The following RGS7 variants were observed in gnomAD, a reference collection of about 807,000 sequenced individuals.
The protein encoded by RGS7 is regulator of G-protein signaling 7.
In RGS7, 27 loss-of-function variants were observed where a neutral mutation model predicts 81.1. The ratio of observed to expected loss-of-function variants is 0.33; its 90% CI spans 0.25 to 0.46. The LOEUF (loss-of-function observed/expected upper bound fraction) is 0.46. RGS7 is among the 20% of genes least tolerant of loss of function. The pLI is 1.00. For synonymous variants in RGS7, 208 were observed against 207.7 expected, an observed-to-expected ratio of 1.00 and a Z score of -0.01; for missense variants, 396 against 607.4, an observed-to-expected ratio of 0.65 and a Z score of 3.66.
chr1:240,857,354 T>G (rs1661330659), intron 9 of RGS7, among the ~76,000 whole-genome samples: 1 of 152,158 alleles, frequency 6.6e-6, no homozygotes, highest in Non-Finnish European at 1.5e-5. Context: ...ATGTGGTACA[T>G]TGTTTCAGTT....
rs1686560191 is a variant in RGS7 at position 240,992,242 on chromosome 1, G to C, written c.176-9113C>G. 1.3e-5 allele frequency among the ~76,000 whole-genome samples: 2 copies of C among 152,192 alleles called. 1 individual carries two copies. Among genetic ancestry groups the C allele is most frequent in the South Asian group, 4.1e-4 (2 of 4,836 alleles). On this transcript the variant is annotated intron_variant, in intron 3 of 18. Coordinates refer to ENST00000440928, the MANE Select transcript of RGS7 (RefSeq NM_001364886.1). Reference sequence around the variant, plus strand: ...GCTCAGGCCGGGCGCGTTGGCTCATGCCTGTAATCCCAGCACTTTGGAAGG... The same window carrying C: ...GCTCAGGCCGGGCGCGTTGGCTCATCCCTGTAATCCCAGCACTTTGGAAGG...
chr1:240,852,364 C>T (rs1660266021), intron 9 of RGS7, among the ~76,000 whole-genome samples: 1 of 152,110 alleles, frequency 6.6e-6, no homozygotes, highest in South Asian at 2.1e-4. Context: ...CTATTGCACA[C>T]TTAATAGACT....
intron 2 of RGS7, among the ~76,000 whole-genome samples, chr1:241,274,807 T>C (rs1400229793): frequency 1.3e-5 from 2 of 152,186 alleles, no homozygotes; most frequent in Non-Finnish European, 2.9e-5. Flanking sequence ...TATGGAAAAC[T>C]GCAAATCTAG....
intron 9 of RGS7, among the ~76,000 whole-genome samples, chr1:240,846,720 C>T (rs371255122): frequency 6.6e-6 from 1 of 152,154 alleles, no homozygotes; most frequent in Admixed American, 6.6e-5. Flanking sequence ...TAAACTATGA[C>T]AGAAGAGATG....
intron 4 of RGS7, among the ~76,000 whole-genome samples, chr1:240,945,714 A>T (rs1473021521): frequency 6.6e-6 from 1 of 152,222 alleles, no homozygotes; most frequent in Non-Finnish European, 1.5e-5. Context: ...ATTTTGCAGA[A>T]ACAAATGCTT....
chr1:241,138,623 C>G (rs987417716), intron 2 of RGS7, among the ~76,000 whole-genome samples: 6 of 152,182 alleles, frequency 3.9e-5, no homozygotes, highest in Admixed American at 1.3e-4. Context: ...AAGGTGATTG[C>G]GTAGCCGGTG....
chr1:241,254,133 G>A (rs1012937121), intron 2 of RGS7, among the ~76,000 whole-genome samples: 20 of 151,524 alleles, frequency 1.3e-4, no homozygotes, highest in South Asian at 8.4e-4. Flanking sequence ...CCGGGAGGTG[G>A]GGCTTGCAGT....
chr1:241,109,008 A>C (rs1357975879), intron 2 of RGS7, among the ~76,000 whole-genome samples: 1 of 152,152 alleles, frequency 6.6e-6, no homozygotes, highest in Non-Finnish European at 1.5e-5. Context: ...ACTTGAGCTC[A>C]CATCAGTTCG....
intron 2 of RGS7, among the ~76,000 whole-genome samples, chr1:241,314,144 T>C (rs1558306633): frequency 6.6e-6 from 1 of 152,258 alleles, no homozygotes; most frequent in Admixed American, 6.5e-5. Context: ...TAGTAGGGCC[T>C]GACAGAATTG....
chr1:241,236,961 T>C (rs80178590), intron 2 of RGS7, among the ~76,000 whole-genome samples: 2,323 of 152,324 alleles, frequency 0.015, 52 homozygotes, highest in African/African-American at 0.052. Context: ...TTTTAGTCTG[T>C]TATGTAGCAT....
At chr1:240,897,347 C>T (rs1669257745) in intron 6 of RGS7, among the ~76,000 whole-genome samples, 1 of 152,126 alleles carries the variant, frequency 6.6e-6, no homozygotes, top group Non-Finnish European at 1.5e-5. Context: ...AGAGGGCATC[C>T]CTGTCTTGTG....
chr1:241,243,950 G>A (rs2076392134), intron 2 of RGS7, among the ~76,000 whole-genome samples: 3 of 151,972 alleles, frequency 2.0e-5, no homozygotes, highest in Admixed American at 2.0e-4. Flanking sequence ...GATTTTTCAG[G>A]GTACACAGGT....
intron 2 of RGS7, among the ~76,000 whole-genome samples, chr1:241,244,992 G>C (rs1475478550): frequency 6.6e-6 from 1 of 150,988 alleles, no homozygotes; most frequent in East Asian, 2.0e-4. Context: ...AGCATTAGGA[G>C]ATATACCTAA....
intron 3 of RGS7, among the ~76,000 whole-genome samples, chr1:241,089,021 A>C (rs10926411): frequency 0.077 from 1,832 of 23,676 alleles, 138 homozygotes; most frequent in African/African-American, 0.17. Context: ...GCAAGACTCC[A>C]TCTCTCTCTC....
intron 3 of RGS7, among the ~76,000 whole-genome samples, chr1:241,022,038 C>T (rs1012668998): frequency 4.6e-5 from 7 of 152,148 alleles, no homozygotes; most frequent in South Asian, 2.1e-4. Context: ...CAGATTTAAA[C>T]GCAATACAGG....
chr1:240,963,296 T>C (rs951671119), intron 4 of RGS7, among the ~76,000 whole-genome samples: 1 of 152,170 alleles, frequency 6.6e-6, no homozygotes, highest in African/African-American at 2.4e-5. Context: ...ACAAGACAGT[T>C]GGCCAGGAGC....
At chr1:241,054,860 T>C (rs1423492353) in intron 3 of RGS7, among the ~76,000 whole-genome samples, 1 of 152,180 alleles carries the variant, frequency 6.6e-6, no homozygotes, top group African/African-American at 2.4e-5. Context: ...AGAGTTATCT[T>C]CCTAAAACTT....
chr1:240,933,152 G>T (rs1309285689), intron 5 of RGS7, among the ~76,000 whole-genome samples: 5 of 151,634 alleles, frequency 3.3e-5, no homozygotes, highest in African/African-American at 1.2e-4. Flanking sequence ...AAAGTGCTGG[G>T]ATTACAGGTG....
chr1:240,950,014 T>A (rs900033474), intron 4 of RGS7, among the ~76,000 whole-genome samples: 2 of 152,080 alleles, frequency 1.3e-5, no homozygotes, highest in Non-Finnish European at 2.9e-5. Flanking sequence ...AGGACAAACC[T>A]CCATTCCAAA....
Sources: gnomAD v4.1 joint callset for allele counts (sites outside exome capture counted in the v4.1 genomes callset) on GRCh38, gnomAD v4.1.1 for gene constraint, MANE v1.5 for transcripts, NCBI Gene and HGNC (gene_info 2026-07-23, HGNC 2026-07-21) for gene names.